Variants in TAX1BP1 observed in about 807,000 individuals in gnomAD.
The protein encoded by TAX1BP1 is Tax1 binding protein 1.
A neutral mutation model predicts 97.7 loss-of-function variants in TAX1BP1; 62 were observed. The ratio of observed to expected loss-of-function variants is 0.63; its 90% CI spans 0.52 to 0.78. The LOEUF (loss-of-function observed/expected upper bound fraction) is 0.78, where lower values mean the gene tolerates loss of function less well. Among genes scored for constraint, TAX1BP1 ranks in the 30% least tolerant of loss-of-function variants. The probability of loss-of-function intolerance (pLI) is 0.00; values close to 1 mark genes in which losing one functional copy is unlikely to be tolerated. For missense variants in TAX1BP1, 867 were observed against 916.1 expected (o/e 0.95, Z 0.69); for synonymous variants, 340 against 304.2 (o/e 1.12, Z -1.23).
chr7:27,828,241 A>G lies in TAX1BP1; in HGVS notation c.2169-387A>G, dbSNP rs140856515. 4.6e-5 allele frequency among the ~76,000 whole-genome samples: 7 copies of G among 152,308 alleles called. No individual in the cohort carries two copies. The East Asian group carries it at 1.2e-3, about 25-fold the overall frequency. On this transcript the variant is annotated intron_variant, in intron 16 of 16. Transcript: ENST00000396319. The stretch of plus-strand genomic sequence containing the variant: ...AGCATTTGAGAACCAGTGCCATAAA[A>G]ACTTTGCTATTAAACCAAATGCACT...
intron 1 of TAX1BP1, among the ~76,000 whole-genome samples, chr7:27,741,993 A>G (rs1787628901): frequency 6.6e-6 from 1 of 152,182 alleles, no homozygotes; most frequent in Admixed American, 6.5e-5. Flanking sequence ...AAACATCTCA[A>G]TGCTTTACAA....
At chr7:27,809,117 G>A (rs1412082362) in intron 13 of TAX1BP1, among the ~76,000 whole-genome samples, 2 of 151,984 alleles carry the variant, frequency 1.3e-5, no homozygotes, top group Non-Finnish European at 2.9e-5. Context: ...AGATTTAATA[G>A]CATGTCTAAT....
At chr7:27,821,982 T>G (rs986372030) in intron 15 of TAX1BP1, among the ~76,000 whole-genome samples, 1 of 152,230 alleles carries the variant, frequency 6.6e-6, no homozygotes, top group Non-Finnish European at 1.5e-5. Context: ...TATCCATGTT[T>G]TAGCATGCAT....
intron 13 of TAX1BP1, among the ~76,000 whole-genome samples, chr7:27,803,683 G>GAA (rs112843111): frequency 1.2e-4 from 18 of 150,944 alleles, no homozygotes; most frequent in African/African-American, 4.1e-4. Flanking sequence ...TCACAGTAGA[G>GAA]AAAAAAAAAG....
intron 15 of TAX1BP1, among the ~76,000 whole-genome samples, chr7:27,825,097 G>A (rs1463532090): frequency 1.3e-5 from 2 of 151,968 alleles, no homozygotes; most frequent in African/African-American, 4.8e-5. Context: ...GATGATTAAG[G>A]TTTATTTAAA....
chr7:27,776,100 C>A (rs1203814255), intron 5 of TAX1BP1, among the ~76,000 whole-genome samples: 1 of 152,118 alleles, frequency 6.6e-6, no homozygotes, highest in Non-Finnish European at 1.5e-5. Flanking sequence ...TATGCAACTT[C>A]AAATTTGAAA....
chr7:27,805,082 GTT>G (rs1211804652), intron 13 of TAX1BP1, among the ~76,000 whole-genome samples: 1 of 152,180 alleles, frequency 6.6e-6, no homozygotes, highest in Non-Finnish European at 1.5e-5. Flanking sequence ...GTGTAGTTTT[GTT>G]AGAGATTGCC....
At chr7:27,800,333 T>C (rs903240682) in intron 13 of TAX1BP1, among the ~76,000 whole-genome samples, 2 of 152,214 alleles carry the variant, frequency 1.3e-5, no homozygotes, top group Admixed American at 1.3e-4. Flanking sequence ...CTATTAAAAT[T>C]ACATCTTTTA....
At chr7:27,758,650 T>C (rs1230078411) in intron 3 of TAX1BP1, among the ~76,000 whole-genome samples, 1 of 152,176 alleles carries the variant, frequency 6.6e-6, no homozygotes, top group East Asian at 1.9e-4. Context: ...TTCTGACATA[T>C]GCTACAATAT....
At chr7:27,794,752 G>A (rs1025307700) in intron 11 of TAX1BP1, among the ~76,000 whole-genome samples, 23 of 152,122 alleles carry the variant, frequency 1.5e-4, no homozygotes, top group African/African-American at 3.6e-4. Flanking sequence ...CAAAAGCCAC[G>A]AATTGAATTT....
At chr7:27,756,488 T>G (rs1788221250) in intron 2 of TAX1BP1, among the ~76,000 whole-genome samples, 1 of 152,158 alleles carries the variant, frequency 6.6e-6, no homozygotes, top group South Asian at 2.1e-4. Flanking sequence ...TGATAGGCAC[T>G]GTGCTAAATA....
chr7:27,739,681 G>C (rs969278868), upstream of TAX1BP1: 2 of 152,168 alleles, frequency 1.3e-5, no homozygotes, highest in African/African-American at 4.8e-5. Flanking sequence ...AAAAGCACAC[G>C]ACTGGGCCAG....
chr7:27,799,636 A>G (rs1213095690), intron 12 of TAX1BP1, among the ~76,000 whole-genome samples: 1 of 152,214 alleles, frequency 6.6e-6, no homozygotes, highest in Non-Finnish European at 1.5e-5. Flanking sequence ...AAACATATAG[A>G]TATTGTATTA....
At chr7:27,741,911 C>G (rs935312736) in intron 1 of TAX1BP1, among the ~76,000 whole-genome samples, 24 of 152,258 alleles carry the variant, frequency 1.6e-4, no homozygotes, top group African/African-American at 5.8e-4. Context: ...CAGACAAACA[C>G]GTGAACAAAG....
At position 27,828,487 on chromosome 7, in the gene TAX1BP1, T is replaced by C. The variant is rs896035248; in HGVS notation, c.2169-141T>C. On this transcript the variant is annotated intron_variant, in intron 16 of 16. Transcript: ENST00000396319. ...CAGCAAGCATTTAGAAGCAGAGAAA[T>C]GTTTCTGGAGTAAAGACTTTTAAGG... 5 of 704,740 alleles carry C rather than the reference T, an allele frequency of 7.1e-6. No individual in the cohort carries two copies. In the African/African-American group the frequency reaches 9.0e-5, roughly 13 times the overall value. 43.7% of individuals were successfully genotyped at this position (704,740 alleles called of 1,614,324 possible).
intron 3 of TAX1BP1, among the ~76,000 whole-genome samples, chr7:27,759,071 T>C (rs760896633): frequency 2.6e-5 from 4 of 152,174 alleles, no homozygotes; most frequent in Non-Finnish European, 5.9e-5. Context: ...GTACTGACTT[T>C]AGGATTGTAT....
At chr7:27,760,105 C>T (rs556579171) in intron 3 of TAX1BP1, among the ~76,000 whole-genome samples, 2 of 152,144 alleles carry the variant, frequency 1.3e-5, no homozygotes, top group South Asian at 2.1e-4. Flanking sequence ...CCACCCGCCT[C>T]GGCCTCCCAA....
intron 5 of TAX1BP1, chr7:27,772,647 TAAAAC>T (rs1405149959): frequency 6.6e-6 from 1 of 152,070 alleles, no homozygotes; most frequent in Non-Finnish European, 1.5e-5. Flanking sequence ...CTCTAATAAT[TAAAAC>T]TAAATGAAAT....
intron 3 of TAX1BP1, among the ~76,000 whole-genome samples, chr7:27,759,368 TGG>T (rs1403082850): frequency 6.6e-6 from 1 of 152,196 alleles, no homozygotes; most frequent in African/African-American, 2.4e-5. Context: ...AATTGTAATG[TGG>T]TATTAACATA....
Sources: allele counts gnomAD v4.1 joint callset (sites outside exome capture counted in the v4.1 genomes callset), GRCh38; gene constraint gnomAD v4.1.1; transcripts MANE v1.5; gene names NCBI Gene and HGNC (gene_info 2026-07-23, HGNC 2026-07-21).